XIAP: variants seen among roughly 807,000 people sequenced by gnomAD.
XIAP encodes X-linked inhibitor of apoptosis.
Under a neutral mutation model 33.1 loss-of-function variants are expected in XIAP, and 3 were observed. That is an observed-to-expected ratio of 0.09 (90% CI 0.04 to 0.23). XIAP has a LOEUF of 0.23. Ranked by LOEUF, XIAP falls within the 10% of genes least tolerant of loss-of-function variation. The pLI, the probability that XIAP is intolerant of heterozygous loss-of-function variation, is 1.00. For missense variants in XIAP, 264 were observed against 363.0 expected (o/e 0.73, Z 2.22); for synonymous variants, 98 against 121.3 (o/e 0.81, Z 1.26).
intron 6 of XIAP, among the ~76,000 whole-genome samples, chrX:123,902,140 A>G (rs889210942): frequency 8.9e-6 from 1 of 112,331 alleles, no homozygotes; most frequent in South Asian, 3.6e-4. Flanking sequence ...ATAAATTGTT[A>G]GTTTTCAAAC....
At position 123,911,390 on chromosome X, in the gene XIAP, T is replaced by G. The variant is rs1467301758; in HGVS notation, c.*4209T>G. ...TACTTGGGAGGCTGAGGCAGGAGAATCGCTTGAACCCAGGAGGCGGAGGTT... is the reference window on the plus strand; with the variant it reads ...TACTTGGGAGGCTGAGGCAGGAGAAGCGCTTGAACCCAGGAGGCGGAGGTT... On this transcript the variant is annotated 3_prime_UTR_variant, in exon 7 of 7. Coordinates refer to ENST00000371199, the MANE Select transcript of XIAP (RefSeq NM_001167.4). The G allele has an allele frequency of 3.5e-6, 1 of 285,687 alleles. No homozygotes were observed. The highest frequency in any genetic ancestry group is 6.6e-6 in the Non-Finnish European group (1 of 151,315). The allele number at this position is 285,687 out of a possible 1,213,427, so 23.5% of individuals were successfully genotyped here.
At chrX:123,899,687 A>G (rs2053499322) in intron 5 of XIAP, among the ~76,000 whole-genome samples, 1 of 107,212 alleles carries the variant, frequency 9.3e-6, no homozygotes, top group Non-Finnish European at 1.9e-5. Context: ...CATTATATCT[A>G]TGAGATCCAT....
chrX:123,890,038 A>G, intron 3 of XIAP, among the ~76,000 whole-genome samples: 1 of 40,608 alleles, frequency 2.5e-5, no homozygotes, highest in East Asian at 9.9e-4. Flanking sequence ...TTTTTTTGAG[A>G]CGGAGTCTCG....
In XIAP at chrX:123,912,992, G is replaced by C; in HGVS notation, c.*5811G>C. Reference sequence around the variant, plus strand: ...TGACTGGTTTCGCGGTGTTGACCAGGCTGGTCTCGAACTCCTGATCTCAGG... The same window carrying C: ...TGACTGGTTTCGCGGTGTTGACCAGCCTGGTCTCGAACTCCTGATCTCAGG... On this transcript the variant is annotated 3_prime_UTR_variant, in exon 7 of 7. Coordinates refer to ENST00000371199, the MANE Select transcript of XIAP (RefSeq NM_001167.4). 1 of 299,132 alleles carries C rather than the reference G, an allele frequency of 3.3e-6. No individual in the cohort carries two copies. Among genetic ancestry groups the C allele is most frequent in the Non-Finnish European group, 6.5e-6 (1 of 154,660 alleles). The allele number at this position is 299,132 out of a possible 1,213,427, so 24.7% of individuals were successfully genotyped here.
intron 2 of XIAP, 107 bp from the exon 3 acceptor site, chrX:123,888,512 T>G: frequency 6.8e-5 from 46 of 677,823 alleles, no homozygotes; most frequent in Non-Finnish European, 9.2e-5. Flanking sequence ...TTTTAAGCTG[T>G]GAGATTTTCA....
At position 123,911,921 on chromosome X, in the gene XIAP, G is replaced by T. The variant is rs2053606081; in HGVS notation, c.*4740G>T. On this transcript the variant is annotated 3_prime_UTR_variant, in exon 7 of 7. Coordinates refer to ENST00000371199, the MANE Select transcript of XIAP (RefSeq NM_001167.4). ...TCCAGTTCTTTCATTTTACAGGTGA[G>T]GCAACTGAGACTCAAAGGTGATGTA... 3.1e-6 allele frequency: 1 copy of T among 326,661 alleles called. No individual in the cohort carries two copies. Among genetic ancestry groups the T allele is most frequent in the Admixed American group, 3.2e-5 (1 of 31,729 alleles). The allele number at this position is 326,661 out of a possible 1,213,427, so 26.9% of individuals were successfully genotyped here. A position where few individuals can be genotyped will look rare whatever the true frequency, so the allele number is the denominator to read the frequency against.
intron 1 of XIAP, among the ~76,000 whole-genome samples, chrX:123,880,062 C>T (rs1180896034): frequency 9.2e-6 from 1 of 108,933 alleles, no homozygotes; most frequent in Non-Finnish European, 1.9e-5. Flanking sequence ...TGCAGTGAGC[C>T]GAGATTGCGC....
chrX:123,902,517 T>C (rs1255598202), intron 6 of XIAP, among the ~76,000 whole-genome samples: 1 of 111,701 alleles, frequency 9.0e-6, no homozygotes, highest in African/African-American at 3.3e-5. Flanking sequence ...TTAGAGAAAA[T>C]ATAACATTGT....
At chrX:123,897,287 C>G (rs931688820) in intron 5 of XIAP, among the ~76,000 whole-genome samples, 7 of 111,793 alleles carry the variant, frequency 6.3e-5, no homozygotes, top group Admixed American at 3.8e-4. Flanking sequence ...GTTGCTCATG[C>G]TTTTAATGTC....
chrX:123,864,469 T>G (rs1384097667), intron 1 of XIAP, among the ~76,000 whole-genome samples: 2 of 90,507 alleles, frequency 2.2e-5, no homozygotes, highest in Non-Finnish European at 4.3e-5. Context: ...TTTTTTTTTT[T>G]TTTTTTTTTT....
intron 1 of XIAP, among the ~76,000 whole-genome samples, chrX:123,876,395 C>T (rs929915191): frequency 9.0e-6 from 1 of 111,026 alleles, no homozygotes; most frequent in Admixed American, 9.7e-5. Context: ...TCATTCACTC[C>T]AGCATTGTTC....
intron 1 of XIAP, among the ~76,000 whole-genome samples, chrX:123,862,016 C>T (rs2053084387): frequency 9.0e-6 from 1 of 111,705 alleles, no homozygotes; most frequent in African/African-American, 3.2e-5. Flanking sequence ...AGTGGTAGCA[C>T]ATATACTAAA....
At chrX:123,902,346 C>G (rs7054232) in intron 6 of XIAP, among the ~76,000 whole-genome samples, 21,435 of 110,538 alleles carry the variant, frequency 0.19, 1,488 homozygotes, top group South Asian at 0.39. Context: ...CTCAGTCTCA[C>G]TAAATTGAGA....
intron 4 of XIAP, among the ~76,000 whole-genome samples, chrX:123,891,927 A>G (rs1480360539): frequency 9.0e-6 from 1 of 111,316 alleles, no homozygotes; most frequent in Non-Finnish European, 1.9e-5. Context: ...TTTAAGTATC[A>G]TTGTAGGCAA....
At chrX:123,861,709 TAAGC>T (rs774361533) in intron 1 of XIAP, among the ~76,000 whole-genome samples, 5 of 106,915 alleles carry the variant, frequency 4.7e-5, no homozygotes, top group Admixed American at 3.1e-4. Flanking sequence ...TATATCAACA[TAAGC>T]AAGTATATAC....
At chrX:123,864,143 A>T in intron 1 of XIAP, among the ~76,000 whole-genome samples, 1 of 110,755 alleles carries the variant, frequency 9.0e-6, no homozygotes, top group East Asian at 2.8e-4. Flanking sequence ...TGCTTAAAAT[A>T]TTTTAGTAAC....
At chrX:123,890,450 C>T (rs767539536) in intron 3 of XIAP, among the ~76,000 whole-genome samples, 152 of 99,644 alleles carry the variant, frequency 1.5e-3, no homozygotes, top group African/African-American at 5.4e-3. Context: ...ATAGTAAGAC[C>T]CTGTCTCTAC....
chrX:123,875,027 T>A (rs1038362112), intron 1 of XIAP, among the ~76,000 whole-genome samples: 27 of 45,864 alleles, frequency 5.9e-4, no homozygotes, highest in African/African-American at 2.1e-3. Context: ...GGGATTTATT[T>A]TTTTTTTTTT....
intron 1 of XIAP, chrX:123,878,874 A>G (rs1569477123): frequency 1.8e-5 from 2 of 113,320 alleles, no homozygotes; most frequent in Non-Finnish European, 3.7e-5. Context: ...TGCTGTGGTT[A>G]GGCAAGAAGG....
Sources: allele counts gnomAD v4.1 joint callset (sites outside exome capture counted in the v4.1 genomes callset), GRCh38; gene constraint gnomAD v4.1.1; transcripts MANE v1.5; gene names NCBI Gene and HGNC (gene_info 2026-07-23, HGNC 2026-07-21).